The following AJM1 variants were observed in gnomAD, a reference collection of about 807,000 sequenced individuals.
AJM1 encodes uncharacterized protein C9orf172.
AJM1 carries 22 observed loss-of-function variants against 43.0 expected under a neutral mutation model. The ratio of observed to expected loss-of-function variants is 0.51; its 90% CI spans 0.37 to 0.73. The LOEUF (loss-of-function observed/expected upper bound fraction) is 0.73, where lower values mean the gene tolerates loss of function less well. AJM1 is among the 30% of genes least tolerant of loss of function. AJM1 has a pLI of 0.00. For missense variants in AJM1, 1,305 were observed against 1,343.3 expected, an observed-to-expected ratio of 0.97 and a Z score of 0.45; for synonymous variants, 719 against 638.3, an observed-to-expected ratio of 1.13 and a Z score of -1.91.
In AJM1 at chr9:136,845,214, G is replaced by T; in HGVS notation, c.800G>T (p.Arg267Leu). 4 of 1,591,042 alleles carry T rather than the reference G, an allele frequency of 2.5e-6. No homozygotes were observed. The highest frequency in any genetic ancestry group is 3.4e-6 in the Non-Finnish European group (4 of 1,175,808). The part of the protein sequence containing the change: ...PLPGPRDYAE[R>L]RSLPFTTPPG... ...CCTGGGCCCCGGGACTACGCCGAGCGCCGCAGTCTGCCCTTCACCACCCCG... is the reference window on the plus strand; with the variant it reads ...CCTGGGCCCCGGGACTACGCCGAGCTCCGCAGTCTGCCCTTCACCACCCCG... Residue 267 changes from arginine (R) to leucine (L), a missense_variant, in exon 3 of 3, where the codon CGC (arginine) becomes CTC (leucine). By Grantham distance (102) the Arg-to-Leu change is moderately radical. Around this residue, in one of 6 missense-constraint regions of AJM1, gnomAD observed 653 missense variants for 549.1 expected, o/e 1.19. Coordinates refer to ENST00000436881, the MANE Select transcript of AJM1 (RefSeq NM_001080482.5).
rs1300296540 is a variant in AJM1 at position 136,842,532 on chromosome 9, A to G, written c.-201A>G. 6.6e-6 allele frequency among the ~76,000 whole-genome samples: 1 copy of G among 152,226 alleles called. No individual in the cohort carries two copies. The highest frequency in any genetic ancestry group is 1.5e-5 in the Non-Finnish European group (1 of 68,026). The stretch of plus-strand genomic sequence containing the variant: ...GGGGACGCAGCAGTGCCGGGGACAC[A>G]GAGGAGCCGACCTGGGGGTGGCACA... On this transcript the variant is annotated 5_prime_UTR_variant, in exon 1 of 3. Transcript: ENST00000436881.
In AJM1 at chr9:136,843,138, G is replaced by C. The variant is rs1451933820; in HGVS notation, c.-144+549G>C. On this transcript the variant is annotated intron_variant, in intron 1 of 2. Transcript: ENST00000436881. ...CAGAGGGGGGACCCGGCCAGACCCC[G>C]AGAGGCCCATCCACCTGAGGTTCTG... 3.3e-5 allele frequency among the ~76,000 whole-genome samples: 5 copies of C among 152,294 alleles called. No homozygotes were observed. The East Asian group carries it at 7.7e-4, about 24-fold the overall frequency.
Position 136,842,507 on chromosome 9 carries a change from G to T in AJM1, c.-226G>T, listed in dbSNP as rs565897101. On this transcript the variant is annotated 5_prime_UTR_variant, in exon 1 of 3. Transcript: ENST00000436881. ...CTGCCTGGAAGCTTCTGCCCGTGCC[G>T]GGGACGCAGCAGTGCCGGGGACACA... 1.3e-5 allele frequency among the ~76,000 whole-genome samples: 2 copies of T among 152,240 alleles called. No homozygotes were observed. Among genetic ancestry groups the T allele is most frequent in the Non-Finnish European group, 2.9e-5 (2 of 68,030 alleles).
Position 136,845,105 on chromosome 9 carries a change from C to T in AJM1, c.691C>T (p.Arg231Cys), listed in dbSNP as rs756873636. ...QFHGLTVPGPRHMALSRTPTP... is the reference protein window; with the variant it reads ...QFHGLTVPGPCHMALSRTPTP... ...CCACGGCCTCACGGTGCCCGGGCCC[C>T]GCCACATGGCGCTGTCGCGCACCCC... The change falls in exon 3 of 3, where the codon CGC (arginine) becomes TGC (cysteine). Residue 231 changes from arginine to cysteine, a missense_variant. By Grantham distance (180) the Arg-to-Cys change is radical (BLOSUM62 -3). Around this residue, in one of 6 missense-constraint regions of AJM1, gnomAD observed 653 missense variants for 549.1 expected, o/e 1.19. Transcript: ENST00000436881. The T allele has an allele frequency of 2.8e-6, 4 of 1,454,014 alleles. No homozygotes were observed. The highest frequency in any genetic ancestry group is 1.2e-5 in the South Asian group (1 of 86,750). 90.1% of individuals were successfully genotyped at this position (1,454,014 alleles called of 1,614,324 possible). A position where few individuals can be genotyped will look rare whatever the true frequency, so the allele number is the denominator to read the frequency against.
chr9:136,843,440 C>T (rs1315172333), intron 1 of AJM1, among the ~76,000 whole-genome samples: 14 of 152,380 alleles, frequency 9.2e-5, no homozygotes, highest in African/African-American at 3.1e-4. Flanking sequence ...CACCCTCCGC[C>T]CTGCCCACCC....
chr9:136,843,904 G>T (rs577773584), intron 1 of AJM1, among the ~76,000 whole-genome samples: 1 of 152,166 alleles, frequency 6.6e-6, no homozygotes, highest in Non-Finnish European at 1.5e-5. Context: ...CGTCTCCTGG[G>T]GCAACACCTA....
rs1275421014 is a variant in AJM1, at chr9:136,846,164, A to C, written c.1750A>C (p.Ile584Leu). The C allele has an allele frequency of 7.2e-6, 11 of 1,524,522 alleles. No homozygotes were observed. The highest frequency in any genetic ancestry group is 8.8e-6 in the Non-Finnish European group (10 of 1,142,434). The allele number at this position is 1,524,522 out of a possible 1,614,324, so 94.4% of individuals were successfully genotyped here. Reference protein sequence around the residue: ...QRSLEQLDELITDLVIDSRPT... With the variant: ...QRSLEQLDELLTDLVIDSRPT... Reference sequence around the variant, plus strand: ...GAGCCTAGAGCAGCTGGACGAGCTCATCACGGACCTGGTCATCGACTCGCG... The same window carrying C: ...GAGCCTAGAGCAGCTGGACGAGCTCCTCACGGACCTGGTCATCGACTCGCG... Residue 584 changes from isoleucine to leucine, a missense_variant, in exon 3 of 3, where the codon ATC becomes CTC. Transcript: ENST00000436881.
rs373541239 is a variant in AJM1 at position 136,844,477 on chromosome 9, G to A, written c.63G>A (p.Ala21=). The A allele has an allele frequency of 9.9e-6, 16 of 1,611,204 alleles. No individual in the cohort carries two copies. In the African/African-American group the frequency reaches 1.6e-4, roughly 16 times the overall value. The change falls in exon 3 of 3, where the codon GCG becomes GCA. Residue 21 remains alanine, a synonymous_variant. Coordinates refer to ENST00000436881, the MANE Select transcript of AJM1 (RefSeq NM_001080482.5). ...VSTVYQDIKV[A]TPGPASKCSP... is the part of the protein sequence containing the mutation. ...CCGTGTACCAGGACATCAAGGTGGC[G>A]ACCCCGGGACCCGCGTCCAAGTGCT...
In AJM1 at chr9:136,844,404, C is replaced by T; in HGVS notation, c.-11C>T. The stretch of plus-strand genomic sequence containing the variant: ...TGAGCTGGAGCCGCCAGCCTGGGGA[C>T]CTCTTTTAAGATGACCCGTACGGAC... On this transcript the variant is annotated 5_prime_UTR_variant, in exon 3 of 3. Coordinates refer to ENST00000436881, the MANE Select transcript of AJM1 (RefSeq NM_001080482.5). The T allele has an allele frequency of 1.2e-6, 2 of 1,607,292 alleles. No homozygotes were observed. Among genetic ancestry groups the T allele is most frequent in the Non-Finnish European group, 1.7e-6 (2 of 1,176,012 alleles).
chr9:136,843,704 C>T (rs576072601), intron 1 of AJM1, among the ~76,000 whole-genome samples: 123 of 152,292 alleles, frequency 8.1e-4, no homozygotes, highest in African/African-American at 2.8e-3. Flanking sequence ...AAGTTGAGGG[C>T]ACCTAGGCGT....
rs1450283244 is a variant in AJM1 at position 136,845,847 on chromosome 9, G to A, written c.1433G>A (p.Arg478Gln). ...SYENLLGREV[R>Q]EPRGVSPEGR... Reference sequence around the variant, plus strand: ...GAGAACCTGCTGGGGCGCGAGGTGCGGGAGCCGCGAGGCGTGTCCCCCGAA... The same window carrying A: ...GAGAACCTGCTGGGGCGCGAGGTGCAGGAGCCGCGAGGCGTGTCCCCCGAA... Residue 478 changes from arginine (R) to glutamine (Q), a missense_variant, in exon 3 of 3, where the codon CGG becomes CAG. By Grantham distance (43) the Arg-to-Gln change is conservative. Transcript: ENST00000436881. 2 of 1,559,232 alleles carry A rather than the reference G, an allele frequency of 1.3e-6. No homozygotes were observed. The highest frequency in any genetic ancestry group is 1.9e-5 in the Admixed American group (1 of 53,050).
Position 136,846,321 on chromosome 9 carries a change from C to T in AJM1, c.1907C>T (p.Ala636Val). 1 of 1,215,636 alleles carries T rather than the reference C, an allele frequency of 8.2e-7. No individual in the cohort carries two copies. Among genetic ancestry groups the T allele is most frequent in the Non-Finnish European group, 1.0e-6 (1 of 966,770 alleles). 75.3% of individuals were successfully genotyped at this position (1,215,636 alleles called of 1,614,324 possible). A position where few individuals can be genotyped will look rare whatever the true frequency, so the allele number is the denominator to read the frequency against. The stretch of plus-strand genomic sequence containing the variant: ...CCGCCACGCTCGCCCCCCGCCTCGG[C>T]CGGCAGCGCCGAGGAGCCCGCGGCC... ...LAPPRSPPAS[A>V]GSAEEPAAPG... The change falls in exon 3 of 3, where the codon GCC becomes GTC. Residue 636 changes from alanine (A) to valine (V), a missense_variant. Ala to Val is a moderately conservative substitution (Grantham distance 64). This residue lies in a region of AJM1 where 391 missense variants were observed against 507.5 expected (regional missense o/e 0.77). Transcript: ENST00000436881.
rs1164348707 is a variant in AJM1 at position 136,845,108 on chromosome 9, C to G, written c.694C>G (p.His232Asp). ...CGGCCTCACGGTGCCCGGGCCCCGC[C>G]ACATGGCGCTGTCGCGCACCCCGAC... ...FHGLTVPGPR[H>D]MALSRTPTPS... Residue 232 changes from histidine to aspartate, a missense_variant, in exon 3 of 3, where the codon CAC (histidine) becomes GAC (aspartate). His to Asp is a moderately conservative substitution (Grantham distance 81). This residue lies in a region of AJM1 where 653 missense variants were observed against 549.1 expected (regional missense o/e 1.19). Transcript: ENST00000436881. 6 of 1,467,538 alleles carry G rather than the reference C, an allele frequency of 4.1e-6. No homozygotes were observed. Among genetic ancestry groups the G allele is most frequent in the Non-Finnish European group, 5.6e-6 (6 of 1,067,834 alleles). 90.9% of individuals were successfully genotyped at this position (1,467,538 alleles called of 1,614,324 possible).
In AJM1 at chr9:136,844,961, C is replaced by G. The variant is rs867581933; in HGVS notation, c.547C>G (p.His183Asp). The change falls in exon 3 of 3, where the codon CAC (histidine) becomes GAC (aspartate). Residue 183 changes from histidine to aspartate, a missense_variant. By Grantham distance (81) the His-to-Asp change is moderately conservative. This residue lies in a region of AJM1 where 653 missense variants were observed against 549.1 expected (regional missense o/e 1.19). Coordinates refer to ENST00000436881, the MANE Select transcript of AJM1 (RefSeq NM_001080482.5). ...CGAGCCACCCGCGGGTCCCGCCCCC[C>G]ACGTGCGCTGCCGCCTGGACATCAA... ...PPEPPAGPAP[H>D]VRCRLDIKPD... is the part of the protein sequence containing the mutation. The G allele has an allele frequency of 2.3e-5, 12 of 514,132 alleles. No homozygotes were observed. Among genetic ancestry groups the G allele is most frequent in the East Asian group, 3.6e-5 (1 of 27,504 alleles). 31.8% of individuals were successfully genotyped at this position (514,132 alleles called of 1,614,324 possible).
In AJM1 at chr9:136,847,379, G is replaced by A. The variant is rs1848793782; in HGVS notation, c.*34G>A. 6.9e-7 allele frequency: 1 copy of A among 1,443,602 alleles called. No individual in the cohort carries two copies. Among genetic ancestry groups the A allele is most frequent in the South Asian group, 1.4e-5 (1 of 72,396 alleles). 89.4% of individuals were successfully genotyped at this position (1,443,602 alleles called of 1,614,324 possible). A position where few individuals can be genotyped will look rare whatever the true frequency, so the allele number is the denominator to read the frequency against. On this transcript the variant is annotated 3_prime_UTR_variant, in exon 3 of 3. Coordinates refer to ENST00000436881, the MANE Select transcript of AJM1 (RefSeq NM_001080482.5). ...GCCCACCAGGCCTAGCCCAGGCGCTGGCCCGAACCCTGCCCTGCCCACTCA... is the reference window on the plus strand; with the variant it reads ...GCCCACCAGGCCTAGCCCAGGCGCTAGCCCGAACCCTGCCCTGCCCACTCA...
Position 136,844,512 on chromosome 9 carries a change from A to G in AJM1, c.98A>G (p.Glu33Gly), listed in dbSNP as rs751613845. 54 of 1,609,126 alleles carry G rather than the reference A, an allele frequency of 3.4e-5. No individual in the cohort carries two copies. Among genetic ancestry groups the G allele is most frequent in the Admixed American group, 1.8e-4 (11 of 59,810 alleles). The change falls in exon 3 of 3, where the codon GAG (glutamate) becomes GGG (glycine). Residue 33 changes from glutamate (E) to glycine (G), a missense_variant. Glu to Gly is a moderately conservative substitution (Grantham distance 98, BLOSUM62 -2). Coordinates refer to ENST00000436881, the MANE Select transcript of AJM1 (RefSeq NM_001080482.5). ...CCCGCGTCCAAGTGCTCGCCATGTG[A>G]GCGATCCGTGGCCCGGCCTGCTGAG... ...PGPASKCSPC[E>G]RSVARPAEPA...
Position 136,845,774 on chromosome 9 carries a change from G to T in AJM1, c.1360G>T (p.Ala454Ser). 1 of 1,575,288 alleles carries T rather than the reference G, an allele frequency of 6.3e-7. No individual in the cohort carries two copies. Among genetic ancestry groups the T allele is most frequent in the Non-Finnish European group, 8.6e-7 (1 of 1,168,306 alleles). The change falls in exon 3 of 3, where the codon GCC becomes TCC. Residue 454 changes from alanine to serine, a missense_variant. By Grantham distance (99) the Ala-to-Ser change is moderately conservative. Transcript: ENST00000436881. ...HYSRSWDNIL[A>S]PGPRREDPLG... Reference sequence around the variant, plus strand: ...CTCGCGCTCCTGGGACAACATTCTGGCCCCGGGGCCGCGCCGAGAAGACCC... The same window carrying T: ...CTCGCGCTCCTGGGACAACATTCTGTCCCCGGGGCCGCGCCGAGAAGACCC...
Position 136,847,276 on chromosome 9 carries a change from C to A in AJM1, c.2862C>A (p.Ile954=). The A allele has an allele frequency of 5.1e-6, 8 of 1,581,254 alleles. No individual in the cohort carries two copies. Among genetic ancestry groups the A allele is most frequent in the Non-Finnish European group, 6.8e-6 (8 of 1,168,818 alleles). ...RRTGRPFMCM[I]MAASEPRALD... Reference sequence around the variant, plus strand: ...CCGGCCGCCCCTTCATGTGCATGATCATGGCCGCCTCCGAGCCGCGCGCGC... The same window carrying A: ...CCGGCCGCCCCTTCATGTGCATGATAATGGCCGCCTCCGAGCCGCGCGCGC... The change falls in exon 3 of 3, where the codon ATC becomes ATA. Residue 954 remains isoleucine, a synonymous_variant. Transcript: ENST00000436881.
chr9:136,845,573 G>T lies in AJM1; in HGVS notation c.1159G>T (p.Val387Phe). The change falls in exon 3 of 3, where the codon GTC (valine) becomes TTC (phenylalanine). Residue 387 changes from valine (V) to phenylalanine (F), a missense_variant. By Grantham distance (50) the Val-to-Phe change is conservative. Coordinates refer to ENST00000436881, the MANE Select transcript of AJM1 (RefSeq NM_001080482.5). ...CTTCGGAAGGTACCGCGAGCGTGAC[G>T]TCCTGGCTCGGACGTACCCGCACCC... ...EDFGRYRERDVLARTYPHPRS... is the reference protein window; with the variant it reads ...EDFGRYRERDFLARTYPHPRS... The T allele has an allele frequency of 1.9e-6, 3 of 1,588,398 alleles. No homozygotes were observed. The highest frequency in any genetic ancestry group is 2.6e-6 in the Non-Finnish European group (3 of 1,170,508).
Sources: gnomAD v4.1 joint callset for allele counts (sites outside exome capture counted in the v4.1 genomes callset) on GRCh38, gnomAD v4.1.1 for gene constraint, gnomAD v4.1.1 regional missense constraint, MANE v1.5 for transcripts, NCBI Gene and HGNC (gene_info 2026-07-23, HGNC 2026-07-21) for gene names.